Variants in SEMG1 observed in about 807,000 individuals in gnomAD.
SEMG1 encodes the protein semenogelin-1.
A neutral mutation model predicts 8.8 loss-of-function variants in SEMG1; 6 were observed. The ratio of observed to expected loss-of-function variants is 0.68; its 90% CI spans 0.37 to 1.35. The LOEUF is 1.35. Ranked by LOEUF, SEMG1 falls within the 40% of genes most tolerant of loss-of-function variation. The pLI is 0.02. For missense variants in SEMG1, 580 were observed against 533.6 expected (o/e 1.09, Z -0.86); for synonymous variants, 221 against 190.3 (o/e 1.16, Z -1.33).
chr20:45,208,345 T>C lies in SEMG1; in HGVS notation c.1048T>C (p.Ser350Pro), dbSNP rs758470360. The change falls in exon 2 of 3, where the codon TCT becomes CCT. Residue 350 changes from serine (S) to proline (P), a missense_variant. Transcript: ENST00000372781. ...SQKANKISYQ[S>P]SSTEERRLHY... is the part of the protein sequence containing the mutation. ...AAAGGCAAATAAAATATCATACCAA[T>C]CTTCAAGTACGGAAGAAAGACGACT... 3.7e-6 allele frequency: 6 copies of C among 1,611,316 alleles called. No homozygotes were observed. The highest frequency in any genetic ancestry group is 5.1e-6 in the Non-Finnish European group (6 of 1,178,628).
chr20:45,208,437 G>A lies in SEMG1; in HGVS notation c.1140G>A (p.Lys380=), dbSNP rs2233888. Residue 380 remains lysine (K), a synonymous_variant, in exon 2 of 3, where the codon AAG becomes AAA. Transcript: ENST00000372781. ...GCAGTATTTATAGCCAAACTGAAAA[G>A]CTAGTAGCAGGCAAGTCTCAAATCC... is the stretch of plus-strand genomic sequence containing the variant. ...SQRSIYSQTE[K]LVAGKSQIQA... 9.6e-4 allele frequency: 1,545 copies of A among 1,613,988 alleles called. 23 individuals carry two copies. The East Asian group carries it at 0.032, about 33-fold the overall frequency.
Position 45,208,572 on chromosome 20 carries a change from A to ACACCAACAT in SEMG1, c.1276_1284dup (p.His426_His428dup). 2 of 1,614,030 alleles carry ACACCAACAT rather than the reference A, an allele frequency of 1.2e-6. No homozygotes were observed. The highest frequency in any genetic ancestry group is 1.7e-6 in the Non-Finnish European group (2 of 1,179,878). On this transcript the variant is annotated inframe_insertion, in exon 2 of 3. Coordinates refer to ENST00000372781, the MANE Select transcript of SEMG1 (RefSeq NM_003007.5). ...TACTCAGTCATGAACAAAAAGGCAG[A>ACACCAACAT]CACCAACATGGATCTCATGGGGGAT...
rs1983721134 is a variant in SEMG1, at chr20:45,207,517, A to G, written c.220A>G (p.Asn74Asp). ...TCAATACACATATCATGTAGATGCC[A>G]ATGATCATGACCAGTCCCGAAAAAG... ...SIQYTYHVDANDHDQSRKSQQ... is the reference protein window; with the variant it reads ...SIQYTYHVDADDHDQSRKSQQ... The change falls in exon 2 of 3, where the codon AAT (asparagine) becomes GAT (aspartate). Residue 74 changes from asparagine (N) to aspartate (D), a missense_variant. Physicochemically the swap from Asn to Asp is conservative, Grantham distance 23. Coordinates refer to ENST00000372781, the MANE Select transcript of SEMG1 (RefSeq NM_003007.5). 1.9e-6 allele frequency: 3 copies of G among 1,613,934 alleles called. No homozygotes were observed. In the East Asian group the frequency reaches 6.7e-5, roughly 36 times the overall value.
Position 45,208,369 on chromosome 20 carries a change from C to T in SEMG1, c.1072C>T (p.Leu358Phe), listed in dbSNP as rs1368103748. The change falls in exon 2 of 3, where the codon CTC becomes TTC. Residue 358 changes from leucine (L) to phenylalanine (F), a missense_variant. Physicochemically the swap from Leu to Phe is conservative, Grantham distance 22. Coordinates refer to ENST00000372781, the MANE Select transcript of SEMG1 (RefSeq NM_003007.5). ...YQSSSTEERRLHYGENGVQKD... is the reference protein window; with the variant it reads ...YQSSSTEERRFHYGENGVQKD... ...ATCTTCAAGTACGGAAGAAAGACGA[C>T]TCCACTATGGAGAAAATGGTGTGCA... 1 of 1,613,154 alleles carries T rather than the reference C, an allele frequency of 6.2e-7. No homozygotes were observed. Among genetic ancestry groups the T allele is most frequent in the East Asian group, 2.2e-5 (1 of 44,876 alleles).
rs1316213201 is a variant in SEMG1, at chr20:45,208,193, A to G, written c.896A>G (p.His299Arg). ...QSSSTEERRL[H>R]YGENGVQKDV... ...TCAAGTACAGAAGAAAGACGACTCCACTATGGAGAAAATGGTGTGCAGAAA... is the reference window on the plus strand; with the variant it reads ...TCAAGTACAGAAGAAAGACGACTCCGCTATGGAGAAAATGGTGTGCAGAAA... The change falls in exon 2 of 3, where the codon CAC becomes CGC. Residue 299 changes from histidine to arginine, a missense_variant. By Grantham distance (29) the His-to-Arg change is conservative (BLOSUM62 0). Coordinates refer to ENST00000372781, the MANE Select transcript of SEMG1 (RefSeq NM_003007.5). 1.1e-5 allele frequency: 17 copies of G among 1,613,966 alleles called. No individual in the cohort carries two copies. The highest frequency in any genetic ancestry group is 2.2e-5 in the East Asian group (1 of 44,894).
At position 45,207,984 on chromosome 20, in the gene SEMG1, A is replaced by T; in HGVS notation, c.687A>T (p.Glu229Asp). The change falls in exon 2 of 3, where the codon GAA (glutamate) becomes GAT (aspartate). Residue 229 changes from glutamate to aspartate, a missense_variant. By Grantham distance (45) the Glu-to-Asp change is conservative. Coordinates refer to ENST00000372781, the MANE Select transcript of SEMG1 (RefSeq NM_003007.5). ...AAAATGTGGTTGAAGTGAGAGAGGA[A>T]CATTCAAGTAAAGTACAAACCTCAC... ...HYQNVVEVREEHSSKVQTSLC... is the reference protein window; with the variant it reads ...HYQNVVEVREDHSSKVQTSLC... 2.5e-6 allele frequency: 4 copies of T among 1,614,030 alleles called. No homozygotes were observed. Among genetic ancestry groups the T allele is most frequent in the Non-Finnish European group, 3.4e-6 (4 of 1,179,960 alleles).
Position 45,207,500 on chromosome 20 carries a change from CAT to C in SEMG1, c.206_207del (p.Tyr69SerfsTer6), listed in dbSNP as rs1983720524. ...AAAGGCAGTTTTTCTATTCAATACA[CAT>C]ATCATGTAGATGCCAATGATCATGA... On this transcript the variant is annotated frameshift_variant, in exon 2 of 3. Transcript: ENST00000372781. LOFTEE classifies it low-confidence loss of function (END_TRUNC). 6.2e-7 allele frequency: 1 copy of C among 1,613,714 alleles called. No individual in the cohort carries two copies. The highest frequency in any genetic ancestry group is 8.5e-7 in the Non-Finnish European group (1 of 1,179,800).
Position 45,207,060 on chromosome 20 carries a change from C to G in SEMG1, c.7C>G (p.Pro3Ala). The change falls in exon 1 of 3, where the codon CCC becomes GCC. Residue 3 changes from proline to alanine, a missense_variant. Transcript: ENST00000372781. MKPNIIFVLSLLL... is the reference protein window; with the variant it reads MKANIIFVLSLLL... ...ACAAGGTTTTCCAAGCAAGATGAAG[C>G]CCAACATCATCTTTGTACTTTCCCT... The G allele has an allele frequency of 6.2e-7, 1 of 1,613,628 alleles. No homozygotes were observed. Among genetic ancestry groups the G allele is most frequent in the Non-Finnish European group, 8.5e-7 (1 of 1,179,682 alleles).
In SEMG1 at chr20:45,208,503, T is replaced by C. The variant is rs7270676; in HGVS notation, c.1206T>C (p.Asn402=). The C allele has an allele frequency of 0.024, 38,312 of 1,613,726 alleles. 708 individuals are homozygous for C. The highest frequency in any genetic ancestry group is 0.077 in the Middle Eastern group (464 of 6,062). ...AGCAAGAGCCATGGCATGGTGAAAA[T>C]GCAAAAGGAGAGTCTGGCCAATCTA... ...NPKQEPWHGE[N]AKGESGQSTN... Residue 402 remains asparagine (N), a synonymous_variant, in exon 2 of 3, where the codon AAT becomes AAC. Coordinates refer to ENST00000372781, the MANE Select transcript of SEMG1 (RefSeq NM_003007.5).
At position 45,207,452 on chromosome 20, in the gene SEMG1, A is replaced by C; in HGVS notation, c.155A>C (p.Lys52Thr). The change falls in exon 2 of 3, where the codon AAA becomes ACA. Residue 52 changes from lysine to threonine, a missense_variant. Physicochemically the swap from Lys to Thr is moderately conservative, Grantham distance 78. Coordinates refer to ENST00000372781, the MANE Select transcript of SEMG1 (RefSeq NM_003007.5). ...GQKGQHYSGQ[K>T]GKQQTESKGS... ...AAGGGCCAGCACTATTCTGGACAAA[A>C]AGGCAAGCAACAAACTGAATCCAAA... is the stretch of plus-strand genomic sequence containing the variant. 6.2e-7 allele frequency: 1 copy of C among 1,613,968 alleles called. No homozygotes were observed.
At chr20:45,207,327 G>A (rs759433759) in intron 1 of SEMG1, 47 bp from the exon 2 acceptor site, 6 of 1,494,846 alleles carry the variant, frequency 4.0e-6, no homozygotes, top group Non-Finnish European at 5.5e-6. Context: ...AGTTGTAAGG[G>A]AGCTTTGGAG....
chr20:45,208,329 T>C lies in SEMG1; in HGVS notation c.1032T>C (p.Asn344=), dbSNP rs377644485. Residue 344 remains asparagine, a synonymous_variant, in exon 2 of 3, where the codon AAT becomes AAC. Coordinates refer to ENST00000372781, the MANE Select transcript of SEMG1 (RefSeq NM_003007.5). ...SQEQEHSQKA[N]KISYQSSSTE... is the part of the protein sequence containing the mutation. The stretch of plus-strand genomic sequence containing the variant: ...AGCAAGAGCATAGCCAAAAGGCAAA[T>C]AAAATATCATACCAATCTTCAAGTA... 5.0e-6 allele frequency: 8 copies of C among 1,608,608 alleles called. No individual in the cohort carries two copies. Among genetic ancestry groups the C allele is most frequent in the African/African-American group, 4.1e-5 (3 of 73,694 alleles).
At position 45,207,523 on chromosome 20, in the gene SEMG1, C is replaced by A; in HGVS notation, c.226C>A (p.His76Asn). The A allele has an allele frequency of 6.2e-7, 1 of 1,613,868 alleles. No homozygotes were observed. The highest frequency in any genetic ancestry group is 8.5e-7 in the Non-Finnish European group (1 of 1,179,832). ...CACATATCATGTAGATGCCAATGAT[C>A]ATGACCAGTCCCGAAAAAGTCAGCA... ...QYTYHVDAND[H>N]DQSRKSQQYD... is the part of the protein sequence containing the mutation. Residue 76 changes from histidine (H) to asparagine (N), a missense_variant, in exon 2 of 3, where the codon CAT (histidine) becomes AAT (asparagine). Physicochemically the swap from His to Asn is moderately conservative, Grantham distance 68. Coordinates refer to ENST00000372781, the MANE Select transcript of SEMG1 (RefSeq NM_003007.5).
In SEMG1 at chr20:45,208,376, A is replaced by C. The variant is rs1395899108; in HGVS notation, c.1079A>C (p.Tyr360Ser). 1 of 1,613,366 alleles carries C rather than the reference A, an allele frequency of 6.2e-7. No homozygotes were observed. The highest frequency in any genetic ancestry group is 8.5e-7 in the Non-Finnish European group (1 of 1,179,642). ...AGTACGGAAGAAAGACGACTCCACT[A>C]TGGAGAAAATGGTGTGCAGAAAGAT... ...SSSTEERRLH[Y>S]GENGVQKDVS... The change falls in exon 2 of 3, where the codon TAT (tyrosine) becomes TCT (serine). Residue 360 changes from tyrosine (Y) to serine (S), a missense_variant. By Grantham distance (144) the Tyr-to-Ser change is moderately radical. Coordinates refer to ENST00000372781, the MANE Select transcript of SEMG1 (RefSeq NM_003007.5).
Position 45,208,580 on chromosome 20 carries a change from A to T in SEMG1, c.1283A>T (p.His428Leu). ...CATGAACAAAAAGGCAGACACCAAC[A>T]TGGATCTCATGGGGGATTGGATATT... ...LSHEQKGRHQ[H>L]GSHGGLDIVI... Residue 428 changes from histidine to leucine, a missense_variant, in exon 2 of 3, where the codon CAT becomes CTT. Coordinates refer to ENST00000372781, the MANE Select transcript of SEMG1 (RefSeq NM_003007.5). 1 of 1,613,984 alleles carries T rather than the reference A, an allele frequency of 6.2e-7. No individual in the cohort carries two copies. The highest frequency in any genetic ancestry group is 2.2e-5 in the East Asian group (1 of 44,882).
At position 45,208,296 on chromosome 20, in the gene SEMG1, C is replaced by A; in HGVS notation, c.999C>A (p.Pro333=). 1 of 1,607,536 alleles carries A rather than the reference C, an allele frequency of 6.2e-7. No homozygotes were observed. The part of the protein sequence containing the change: ...QGKSQKQITI[P]SQEQEHSQKA... Reference sequence around the variant, plus strand: ...AGTCTCAAAAACAGATAACAATTCCCAGTCAAGAGCAAGAGCATAGCCAAA... The same window carrying A: ...AGTCTCAAAAACAGATAACAATTCCAAGTCAAGAGCAAGAGCATAGCCAAA... The change falls in exon 2 of 3, where the codon CCC becomes CCA. Residue 333 remains proline (P), a synonymous_variant. Coordinates refer to ENST00000372781, the MANE Select transcript of SEMG1 (RefSeq NM_003007.5).
Position 45,207,694 on chromosome 20 carries a change from G to A in SEMG1, c.397G>A (p.Gly133Ser), listed in dbSNP as rs1568835171. 3.1e-6 allele frequency: 5 copies of A among 1,613,988 alleles called. No individual in the cohort carries two copies. The highest frequency in any genetic ancestry group is 4.2e-6 in the Non-Finnish European group (5 of 1,179,920). Residue 133 changes from glycine (G) to serine (S), a missense_variant, in exon 2 of 3, where the codon GGC becomes AGC. Coordinates refer to ENST00000372781, the MANE Select transcript of SEMG1 (RefSeq NM_003007.5). ...CAGGGTAGTTATACACCATAAAGGA[G>A]GCAAAGCTCATCGTGGGACACAAAA... ...FHRVVIHHKG[G>S]KAHRGTQNPS...
chr20:45,208,450 A>G lies in SEMG1; in HGVS notation c.1153A>G (p.Lys385Glu). The G allele has an allele frequency of 6.2e-7, 1 of 1,613,998 alleles. No individual in the cohort carries two copies. The highest frequency in any genetic ancestry group is 8.5e-7 in the Non-Finnish European group (1 of 1,179,966). ...CCAAACTGAAAAGCTAGTAGCAGGC[A>G]AGTCTCAAATCCAGGCACCAAATCC... Reference protein sequence around the residue: ...YSQTEKLVAGKSQIQAPNPKQ... With the variant: ...YSQTEKLVAGESQIQAPNPKQ... Residue 385 changes from lysine to glutamate, a missense_variant, in exon 2 of 3, where the codon AAG becomes GAG. Coordinates refer to ENST00000372781, the MANE Select transcript of SEMG1 (RefSeq NM_003007.5).
Position 45,208,186 on chromosome 20 carries a change from C to A in SEMG1, c.889C>A (p.Arg297=). 1 of 1,614,024 alleles carries A rather than the reference C, an allele frequency of 6.2e-7. No homozygotes were observed. The highest frequency in any genetic ancestry group is 8.5e-7 in the Non-Finnish European group (1 of 1,179,986). Residue 297 remains arginine (R), a synonymous_variant, in exon 2 of 3, where the codon CGA becomes AGA. Coordinates refer to ENST00000372781, the MANE Select transcript of SEMG1 (RefSeq NM_003007.5). ...CCAATCTTCAAGTACAGAAGAAAGA[C>A]GACTCCACTATGGAGAAAATGGTGT... ...SYQSSSTEER[R]LHYGENGVQK...
Sources: gnomAD v4.1 joint callset for allele counts on GRCh38, gnomAD v4.1.1 for gene constraint, MANE v1.5 for transcripts, NCBI Gene and HGNC (gene_info 2026-07-23, HGNC 2026-07-21) for gene names.